The following XPNPEP1 variants were observed in gnomAD, a reference collection of about 807,000 sequenced individuals.
The protein encoded by XPNPEP1 is xaa-Pro aminopeptidase 1.
Under a neutral mutation model 92.4 loss-of-function variants are expected in XPNPEP1, and 39 were observed. The ratio of observed to expected loss-of-function variants is 0.42; its 90% CI spans 0.33 to 0.55. XPNPEP1 has a LOEUF of 0.55. Among genes scored for constraint, XPNPEP1 ranks in the 20% least tolerant of loss-of-function variants. The pLI, the probability that XPNPEP1 is intolerant of heterozygous loss-of-function variation, is 0.08. For synonymous variants in XPNPEP1, 307 were observed against 299.4 expected (o/e 1.03, Z -0.26); for missense variants, 654 against 856.1 (o/e 0.76, Z 2.95).
At chr10:109,915,545 C>G (rs1251688941) in intron 1 of XPNPEP1, among the ~76,000 whole-genome samples, 1 of 151,768 alleles carries the variant, frequency 6.6e-6, no homozygotes, top group East Asian at 1.9e-4. Context: ...GAGACTAACC[C>G]TCATGTTTGC....
At chr10:109,892,181 T>A (rs2133448588) in intron 4 of XPNPEP1, among the ~76,000 whole-genome samples, 1 of 152,284 alleles carries the variant, frequency 6.6e-6, no homozygotes, top group South Asian at 2.1e-4. Flanking sequence ...TGGTTCCTGC[T>A]CAGCAATTAC....
chr10:109,897,901 G>T (rs1430710457), intron 3 of XPNPEP1, among the ~76,000 whole-genome samples: 1 of 151,960 alleles, frequency 6.6e-6, no homozygotes, highest in Non-Finnish European at 1.5e-5. Context: ...TGATCCGCCT[G>T]CCTCGACCTC....
At chr10:109,882,315 G>A (rs1340926652) in intron 10 of XPNPEP1, 117 bp downstream of exon 10, 1 of 1,206,510 alleles carries the variant, frequency 8.3e-7, no homozygotes, top group African/African-American at 1.5e-5. Flanking sequence ...CCTCATCCAT[G>A]GAGACCACAG....
chr10:109,888,357 A>G (rs1848514500), intron 6 of XPNPEP1, 146 bp downstream of exon 6: 1 of 1,228,792 alleles, frequency 8.1e-7, no homozygotes, highest in Admixed American at 2.5e-5. Flanking sequence ...CCACCAGTGG[A>G]ACTCTTCTCT....
At chr10:109,903,617 G>A (rs528234534) in intron 3 of XPNPEP1, among the ~76,000 whole-genome samples, 4 of 152,232 alleles carry the variant, frequency 2.6e-5, no homozygotes, top group South Asian at 4.1e-4. Flanking sequence ...CTGAGGCCTA[G>A]GACTGACAGG....
chr10:109,877,572 C>T (rs1031797259), intron 14 of XPNPEP1: 1 of 590,640 alleles, frequency 1.7e-6, no homozygotes, highest in Non-Finnish European at 3.0e-6. Flanking sequence ...CAGAGAATGC[C>T]AGTGCCATAC....
intron 1 of XPNPEP1, among the ~76,000 whole-genome samples, chr10:109,922,932 T>C (rs903692288): frequency 6.6e-6 from 1 of 152,198 alleles, no homozygotes; most frequent in Non-Finnish European, 1.5e-5. Context: ...TCTATCCTTG[T>C]GGCGGTGACA....
chr10:109,880,117 A>C, intron 12 of XPNPEP1, 71 bp downstream of exon 12: 4 of 1,474,508 alleles, frequency 2.7e-6, no homozygotes, highest in Non-Finnish European at 3.8e-6. Flanking sequence ...GGGAGATGCT[A>C]GAGTTAGAAT....
intron 2 of XPNPEP1, among the ~76,000 whole-genome samples, chr10:109,909,683 T>G (rs1849755971): frequency 2.0e-5 from 3 of 152,244 alleles, no homozygotes; most frequent in Admixed American, 2.0e-4. Flanking sequence ...AGGAGCCAAT[T>G]ACAGAATAGT....
chr10:109,865,297 T>A lies in XPNPEP1; in HGVS notation c.1888A>T (p.Asn630Tyr). 6.2e-7 allele frequency: 1 copy of A among 1,614,154 alleles called. No homozygotes were observed. Among genetic ancestry groups the A allele is most frequent in the East Asian group, 2.2e-5 (1 of 44,872 alleles). The stretch of plus-strand genomic sequence containing the variant: ...ACATCCCTGCAGGTCAGGTGGTAAT[T>A]GTTGAGCCAGTCGCACTGCAGGGAA... Reference protein sequence around the residue: ...LTDKECDWLNNYHLTCRDVIG... With the variant: ...LTDKECDWLNYYHLTCRDVIG... The change falls in exon 21 of 21, where the codon AAT becomes TAT. Residue 630 changes from asparagine (N) to tyrosine (Y), a missense_variant. By Grantham distance (143) the Asn-to-Tyr change is moderately radical. Transcript: ENST00000502935.
At chr10:109,880,271 T>C (rs1347347142) in intron 11 of XPNPEP1, 33 bp from the exon 12 acceptor site, 3 of 1,610,302 alleles carry the variant, frequency 1.9e-6, no homozygotes, top group Non-Finnish European at 2.5e-6. Flanking sequence ...TTTTAAGTTA[T>C]CACTGAAAAT....
chr10:109,923,326 C>G (rs1850664942), intron 1 of XPNPEP1, 76 bp downstream of exon 1: 2 of 1,353,246 alleles, frequency 1.5e-6, no homozygotes, highest in Non-Finnish European at 1.9e-6. Flanking sequence ...CCCTGCCCGC[C>G]GAGGTGCAAC....
chr10:109,908,495 C>T (rs1054640273), intron 2 of XPNPEP1, among the ~76,000 whole-genome samples: 4 of 151,942 alleles, frequency 2.6e-5, no homozygotes, highest in African/African-American at 4.8e-5. Context: ...CCAGCTACTC[C>T]GGAGGCTGAG....
intron 1 of XPNPEP1, among the ~76,000 whole-genome samples, chr10:109,915,665 C>T (rs1445435294): frequency 6.6e-6 from 1 of 152,050 alleles, no homozygotes; most frequent in Non-Finnish European, 1.5e-5. Flanking sequence ...TGTGATGGGT[C>T]CTGGTTTGTA....
rs911623890 is a variant in XPNPEP1 at position 109,880,257 on chromosome 10, C to T, written c.1132-19G>A. 4.3e-6 allele frequency: 7 copies of T among 1,613,352 alleles called. No individual in the cohort carries two copies. Among genetic ancestry groups the T allele is most frequent in the South Asian group, 1.1e-5 (1 of 91,074 alleles). On this transcript the variant is annotated intron_variant, in intron 11 of 20. Transcript: ENST00000502935. ...CTTTAATCTGTGCAAACAATGGAGA[C>T]ATTTTTTAAGTTATCACTGAAAATC...
At chr10:109,891,234 A>T (rs1450126005) in intron 5 of XPNPEP1, 1 of 152,806 alleles carries the variant, frequency 6.5e-6, no homozygotes, top group East Asian at 1.9e-4. Context: ...AAAGCACTCA[A>T]GTGAAGCGAC....
intron 3 of XPNPEP1, among the ~76,000 whole-genome samples, chr10:109,904,828 A>C (rs144892514): frequency 6.6e-6 from 1 of 152,348 alleles, no homozygotes; most frequent in African/African-American, 2.4e-5. Flanking sequence ...AAAATAGTAC[A>C]GGTGCTGCAG....
At chr10:109,879,267 GTAA>G (rs1342467693) in intron 12 of XPNPEP1, among the ~76,000 whole-genome samples, 1 of 143,520 alleles carries the variant, frequency 7.0e-6, no homozygotes, top group Non-Finnish European at 1.5e-5. Context: ...TAATAAAAAT[GTAA>G]TAATAATAAT....
rs1269685921 is a variant in XPNPEP1, at chr10:109,878,611, G to A, written c.1183-553C>T. Among the ~76,000 whole-genome samples, 15 of 152,316 alleles carry A rather than the reference G, an allele frequency of 9.8e-5. No homozygotes were observed. In the South Asian group the frequency reaches 3.1e-3, roughly 32 times the overall value. On this transcript the variant is annotated intron_variant, in intron 12 of 20. Coordinates refer to ENST00000502935, the MANE Select transcript of XPNPEP1 (RefSeq NM_020383.4). ...AAAACACAAAATCATATCTAAGCCA[G>A]GTGTGATGGCTCACACCTATAATCC...
Sources: allele counts gnomAD v4.1 joint callset (sites outside exome capture counted in the v4.1 genomes callset), GRCh38; gene constraint gnomAD v4.1.1; transcripts MANE v1.5; gene names NCBI Gene and HGNC (gene_info 2026-07-23, HGNC 2026-07-21).